Variants in RABL3 observed in about 807,000 individuals in gnomAD.
The protein encoded by RABL3 is rab-like protein 3.
Under a neutral mutation model 31.8 loss-of-function variants are expected in RABL3, and 31 were observed. The ratio of observed to expected loss-of-function variants is 0.97; its 90% confidence interval spans 0.73 to 1.31. The LOEUF (loss-of-function observed/expected upper bound fraction) is 1.31. Ranked by LOEUF, RABL3 falls within the 40% of genes most tolerant of loss-of-function variation. RABL3 has a pLI of 0.00. For synonymous variants in RABL3, 97 were observed against 99.9 expected (o/e 0.97, Z 0.18); for missense variants, 263 against 279.6 (o/e 0.94, Z 0.42).
chr3:120,707,668 C>T (rs1185767881), intron 3 of RABL3, among the ~76,000 whole-genome samples: 1 of 152,076 alleles, frequency 6.6e-6, no homozygotes. Context: ...TTTCCTTTTC[C>T]CCAGGCTATA....
intron 2 of RABL3, among the ~76,000 whole-genome samples, chr3:120,714,755 A>G (rs1708649358): frequency 6.6e-6 from 1 of 152,158 alleles, no homozygotes; most frequent in African/African-American, 2.4e-5. Flanking sequence ...CTTACTAAAA[A>G]TCAATCCCTC....
intron 2 of RABL3, among the ~76,000 whole-genome samples, chr3:120,729,269 A>G (rs1428588432): frequency 6.6e-6 from 1 of 152,216 alleles, no homozygotes; most frequent in Admixed American, 6.5e-5. Context: ...ATCTAGATTT[A>G]CATTATCTGA....
In RABL3 at chr3:120,729,775, T is replaced by C. The variant is rs377663520; in HGVS notation, c.138+921A>G. Among the ~76,000 whole-genome samples, 121 of 152,110 alleles carry C rather than the reference T, an allele frequency of 8.0e-4. 1 individual carries two copies. Among genetic ancestry groups the C allele is most frequent in the African/African-American group, 2.8e-3 (117 of 41,528 alleles). On this transcript the variant is annotated intron_variant, in intron 2 of 7. Coordinates refer to ENST00000273375, the MANE Select transcript of RABL3 (RefSeq NM_173825.5). The stretch of plus-strand genomic sequence containing the variant: ...ATCCAGAAGGCAGCAAGGAGAAATA[T>C]TAACAGTTATGAAGAACAAAAATCT...
At chr3:120,715,503 C>T (rs1214700651) in intron 2 of RABL3, among the ~76,000 whole-genome samples, 1 of 152,022 alleles carries the variant, frequency 6.6e-6, no homozygotes, top group East Asian at 1.9e-4. Context: ...TGCCACTGCA[C>T]TCCAGCTTGG....
At chr3:120,711,820 G>A (rs191963976) in intron 2 of RABL3, among the ~76,000 whole-genome samples, 279 of 152,124 alleles carry the variant, frequency 1.8e-3, no homozygotes, top group Admixed American at 4.8e-3. Context: ...TGTGTATTTT[G>A]AACAATTCTC....
At chr3:120,714,438 T>C (rs1435346499) in intron 2 of RABL3, among the ~76,000 whole-genome samples, 1 of 152,180 alleles carries the variant, frequency 6.6e-6, no homozygotes, top group African/African-American at 2.4e-5. Context: ...AACAAATGAA[T>C]AGTGTAAAGG....
At chr3:120,695,914 G>C (rs1035812677) in intron 5 of RABL3, among the ~76,000 whole-genome samples, 3 of 152,214 alleles carry the variant, frequency 2.0e-5, no homozygotes, top group East Asian at 1.9e-4. Flanking sequence ...GACCAGCCTA[G>C]AGAAACACTA....
intron 1 of RABL3, among the ~76,000 whole-genome samples, chr3:120,737,316 C>A (rs537353864): frequency 6.6e-6 from 1 of 152,220 alleles, no homozygotes; most frequent in Non-Finnish European, 1.5e-5. Flanking sequence ...TTGATCAAAT[C>A]GGCTACTGAA....
chr3:120,727,029 C>T (rs779430004), intron 2 of RABL3, among the ~76,000 whole-genome samples: 10 of 151,770 alleles, frequency 6.6e-5, no homozygotes, highest in Non-Finnish European at 1.2e-4. Flanking sequence ...ATGCAGTTAA[C>T]GCTGTGCTTA....
At chr3:120,736,709 C>T (rs1408067363) in intron 1 of RABL3, among the ~76,000 whole-genome samples, 76 of 143,822 alleles carry the variant, frequency 5.3e-4, no homozygotes, top group South Asian at 8.9e-4. Flanking sequence ...CCTTCAGGAG[C>T]TCTTTTAGGG....
chr3:120,694,305 A>G (rs1708412476), intron 5 of RABL3, 81 bp from the exon 6 acceptor site: 1 of 874,362 alleles, frequency 1.1e-6, no homozygotes, highest in African/African-American at 1.7e-5. Context: ...CCTGTTGCAT[A>G]TTTCTGTAGG....
chr3:120,708,916 C>G (rs1321350498), intron 3 of RABL3, among the ~76,000 whole-genome samples: 1 of 151,894 alleles, frequency 6.6e-6, no homozygotes. Context: ...GAGTCTACAA[C>G]ACCTCATGAT....
intron 4 of RABL3, among the ~76,000 whole-genome samples, chr3:120,703,882 T>A (rs1187041371): frequency 1.3e-5 from 2 of 152,102 alleles, no homozygotes; most frequent in African/African-American, 2.4e-5. Flanking sequence ...ACTTGAACAA[T>A]CCTAATTACT....
intron 6 of RABL3, among the ~76,000 whole-genome samples, chr3:120,692,132 C>G (rs112000808): frequency 3.3e-5 from 5 of 152,118 alleles, no homozygotes; most frequent in African/African-American, 4.8e-5. Flanking sequence ...TATTCTGGAG[C>G]GTGAGGAATT....
rs775643993 is a variant in RABL3, at chr3:120,685,693, G to A, written c.*4130C>T. Among the ~76,000 whole-genome samples, 5 of 152,118 alleles carry A rather than the reference G, an allele frequency of 3.3e-5. No homozygotes were observed. The highest frequency in any genetic ancestry group is 6.5e-5 in the Admixed American group (1 of 15,274). On this transcript the variant is annotated 3_prime_UTR_variant, in exon 8 of 8. Coordinates refer to ENST00000273375, the MANE Select transcript of RABL3 (RefSeq NM_173825.5). ...ATCAGGTTGAGGCAGTCAAAGATGC[G>A]CTTTGATGAATTCTGCTATAATGGC...
At chr3:120,725,645 T>C (rs1223320445) in intron 2 of RABL3, among the ~76,000 whole-genome samples, 3 of 152,094 alleles carry the variant, frequency 2.0e-5, no homozygotes, top group Non-Finnish European at 4.4e-5. Flanking sequence ...ATGTCCTTTG[T>C]AGGGACATGG....
chr3:120,742,271 C>T (rs533327679), intron 1 of RABL3, among the ~76,000 whole-genome samples, 191 bp downstream of exon 1: 1 of 152,186 alleles, frequency 6.6e-6, no homozygotes, highest in Admixed American at 6.5e-5. Flanking sequence ...CGACCCCCAC[C>T]CGCGCGACGA....
intron 1 of RABL3, among the ~76,000 whole-genome samples, chr3:120,737,064 G>T (rs1230134963): frequency 6.6e-6 from 1 of 152,156 alleles, no homozygotes; most frequent in African/African-American, 2.4e-5. Context: ...GAATTTGAAT[G>T]TTGGCCTGCC....
At chr3:120,700,487 C>T (rs188712106) in intron 4 of RABL3, among the ~76,000 whole-genome samples, 1 of 151,818 alleles carries the variant, frequency 6.6e-6, no homozygotes, top group East Asian at 1.9e-4. Flanking sequence ...AAAGGGAGAA[C>T]CTAAGATTAA....
Sources: allele counts gnomAD v4.1 joint callset (sites outside exome capture counted in the v4.1 genomes callset), GRCh38; gene constraint gnomAD v4.1.1; transcripts MANE v1.5; gene names NCBI Gene and HGNC (gene_info 2026-07-23, HGNC 2026-07-21).